Variants in GNAQ observed in about 807,000 individuals in gnomAD.
The protein encoded by GNAQ is G protein subunit alpha q, also known as guanine nucleotide-binding protein G(q) subunit alpha.
GNAQ carries 8 observed loss-of-function variants against 43.9 expected under a neutral mutation model. The ratio of observed to expected loss-of-function variants is 0.18; its 90% CI spans 0.11 to 0.33. The LOEUF (loss-of-function observed/expected upper bound fraction) is 0.33, where lower values mean the gene tolerates loss of function less well. Among genes scored for constraint, GNAQ ranks in the 10% least tolerant of loss-of-function variants. The pLI, the probability that GNAQ is intolerant of heterozygous loss-of-function variation, is 1.00. For missense variants in GNAQ, 158 were observed against 450.8 expected, an observed-to-expected ratio of 0.35 and a Z score of 5.88; for synonymous variants, 155 against 170.7, an observed-to-expected ratio of 0.91 and a Z score of 0.71.
chr9:77,967,296 C>G (rs112592800), intron 1 of GNAQ, among the ~76,000 whole-genome samples: 1 of 152,104 alleles, frequency 6.6e-6, no homozygotes, highest in Admixed American at 6.5e-5. Context: ...GTGGCCACTC[C>G]GTGCTTTTAA....
rs144063201 is a variant in GNAQ at position 77,898,251 on chromosome 9, C to T, written c.321+23910G>A. Reference sequence around the variant, plus strand: ...GCACAATATATTACCAGCTTGCCATCATCCCTCTCCAATAGCTTTTGGGCT... The same window carrying T: ...GCACAATATATTACCAGCTTGCCATTATCCCTCTCCAATAGCTTTTGGGCT... On this transcript the variant is annotated intron_variant, in intron 2 of 6. Coordinates refer to ENST00000286548, the MANE Select transcript of GNAQ (RefSeq NM_002072.5). Among the ~76,000 whole-genome samples, 438 of 152,310 alleles carry T rather than the reference C, an allele frequency of 2.9e-3. 8 individuals are homozygous for T. The highest frequency in any genetic ancestry group is 0.026 in the Admixed American group (399 of 15,292).
At chr9:77,972,713 G>A (rs1159277696) in intron 1 of GNAQ, among the ~76,000 whole-genome samples, 1 of 152,076 alleles carries the variant, frequency 6.6e-6, no homozygotes, top group African/African-American at 2.4e-5. Context: ...CAGCACTTTG[G>A]GAGGCCGAGG....
intron 1 of GNAQ, among the ~76,000 whole-genome samples, chr9:77,983,296 T>C (rs966721760): frequency 6.6e-6 from 1 of 152,192 alleles, no homozygotes; most frequent in Admixed American, 6.5e-5. Flanking sequence ...ACTGCGTCAT[T>C]TTAGGTAAGA....
At chr9:78,014,601 G>A (rs887300674) in intron 1 of GNAQ, among the ~76,000 whole-genome samples, 5 of 151,998 alleles carry the variant, frequency 3.3e-5, no homozygotes, top group East Asian at 1.9e-4. Flanking sequence ...GCCAAACTCC[G>A]TCTCAAAACA....
At chr9:77,915,570 T>C (rs1371375367) in intron 2 of GNAQ, among the ~76,000 whole-genome samples, 2 of 145,440 alleles carry the variant, frequency 1.4e-5, no homozygotes, top group Non-Finnish European at 3.0e-5. Flanking sequence ...ATTTAACCCT[T>C]GAAATAATCC....
chr9:77,762,079 G>T (rs1826042465), intron 5 of GNAQ, among the ~76,000 whole-genome samples: 1 of 131,000 alleles, frequency 7.6e-6, no homozygotes, highest in African/African-American at 2.9e-5. Context: ...GAGGTGGGGG[G>T]GTCAGCCCCC....
intron 1 of GNAQ, among the ~76,000 whole-genome samples, chr9:77,943,127 G>A (rs1361629950): frequency 6.6e-6 from 1 of 152,208 alleles, no homozygotes; most frequent in African/African-American, 2.4e-5. Context: ...CAAGGCAGAT[G>A]TTGGGCATTG....
intron 5 of GNAQ, among the ~76,000 whole-genome samples, chr9:77,761,515 G>C (rs1485897636): frequency 7.5e-6 from 1 of 133,928 alleles, no homozygotes; most frequent in South Asian, 2.5e-4. Context: ...TCAGCCCCCC[G>C]CCCGGCCAGC....
In GNAQ at chr9:77,742,700, C is replaced by A. The variant is rs1256702931; in HGVS notation, c.736-14033G>T. ...GGGTGATAGATCCAACACAAAAACACACCTTTAAATACAACTAACAGAAAC... is the reference window on the plus strand; with the variant it reads ...GGGTGATAGATCCAACACAAAAACAAACCTTTAAATACAACTAACAGAAAC... On this transcript the variant is annotated intron_variant, in intron 5 of 6. Coordinates refer to ENST00000286548, the MANE Select transcript of GNAQ (RefSeq NM_002072.5). Among the ~76,000 whole-genome samples the A allele has an allele frequency of 2.0e-5, 3 of 152,076 alleles. No homozygotes were observed. The East Asian group carries it at 5.8e-4, about 29-fold the overall frequency.
chr9:77,824,095 A>T (rs1242575204), intron 2 of GNAQ, among the ~76,000 whole-genome samples: 1 of 152,200 alleles, frequency 6.6e-6, no homozygotes, highest in Non-Finnish European at 1.5e-5. Flanking sequence ...TCTTTCTAAC[A>T]TCATGTCCCT....
intron 5 of GNAQ, among the ~76,000 whole-genome samples, chr9:77,765,999 G>C (rs1285830923): frequency 1.3e-5 from 2 of 152,202 alleles, no homozygotes; most frequent in South Asian, 2.1e-4. Flanking sequence ...AACAAATACT[G>C]TATGATTCCA....
chr9:77,855,149 C>T (rs1441059541), intron 2 of GNAQ, among the ~76,000 whole-genome samples: 3 of 151,902 alleles, frequency 2.0e-5, no homozygotes, highest in Admixed American at 1.3e-4. Flanking sequence ...CAGATGACAT[C>T]ATAGTGAATA....
chr9:77,875,454 C>G (rs765071263), intron 2 of GNAQ, among the ~76,000 whole-genome samples: 1 of 152,192 alleles, frequency 6.6e-6, no homozygotes, highest in Non-Finnish European at 1.5e-5. Flanking sequence ...AGGTTGAAAG[C>G]CTGGGTGTTC....
intron 1 of GNAQ, among the ~76,000 whole-genome samples, chr9:77,994,158 A>G (rs952970694): frequency 3.3e-5 from 5 of 152,200 alleles, no homozygotes; most frequent in Non-Finnish European, 5.9e-5. Flanking sequence ...CTGGGACTAC[A>G]GGTGCACATC....
intron 2 of GNAQ, among the ~76,000 whole-genome samples, chr9:77,911,701 T>C (rs1828807434): frequency 6.6e-6 from 1 of 152,174 alleles, no homozygotes; most frequent in Non-Finnish European, 1.5e-5. Context: ...TCCGGTGCTG[T>C]AGAGCCATGT....
At chr9:78,019,626 C>G (rs902766169) in intron 1 of GNAQ, among the ~76,000 whole-genome samples, 1 of 152,052 alleles carries the variant, frequency 6.6e-6, no homozygotes, top group East Asian at 1.9e-4. Context: ...TAATTAGAGA[C>G]TTTAGGAACC....
chr9:78,006,865 T>G (rs1261614165), intron 1 of GNAQ, among the ~76,000 whole-genome samples: 3 of 152,240 alleles, frequency 2.0e-5, no homozygotes, highest in African/African-American at 7.2e-5. Flanking sequence ...GATGCATTTC[T>G]TGGCCTGTCA....
At chr9:78,009,460 C>T (rs1015436775) in intron 1 of GNAQ, among the ~76,000 whole-genome samples, 4 of 152,164 alleles carry the variant, frequency 2.6e-5, no homozygotes, top group African/African-American at 9.7e-5. Flanking sequence ...TTTATACCAA[C>T]ACAAGTGGTG....
chr9:77,874,082 C>A (rs1587379179), intron 2 of GNAQ, among the ~76,000 whole-genome samples: 1 of 132,664 alleles, frequency 7.5e-6, no homozygotes, highest in Non-Finnish European at 1.6e-5. Context: ...TCCACCTGGG[C>A]AACAAGAGCG....
Sources: allele counts gnomAD v4.1 joint callset (sites outside exome capture counted in the v4.1 genomes callset), GRCh38; gene constraint gnomAD v4.1.1; transcripts MANE v1.5; gene names NCBI Gene and HGNC (gene_info 2026-07-23, HGNC 2026-07-21).